POLQ: variants seen among roughly 807,000 people sequenced by gnomAD.
POLQ encodes the protein DNA polymerase theta.
A neutral mutation model predicts 259.2 loss-of-function variants in POLQ; 233 were observed. The observed-to-expected ratio is 0.90, with a 90% CI of 0.81 to 1.00. The LOEUF (loss-of-function observed/expected upper bound fraction) is 1.00. POLQ is among the 50% of genes least tolerant of loss of function. POLQ has a pLI of 0.00. For missense variants in POLQ, 2,871 were observed against 3,051.6 expected (o/e 0.94, Z 1.39); for synonymous variants, 1,025 against 1,048.8 (o/e 0.98, Z 0.44).
At chr3:121,522,256 G>T in intron 7 of POLQ, 107 bp from the exon 8 acceptor site, 1 of 394,878 alleles carries the variant, frequency 2.5e-6, no homozygotes, top group Non-Finnish European at 4.6e-6. Flanking sequence ...TTCTGAAACT[G>T]CTGCATACTA....
intron 25 of POLQ, among the ~76,000 whole-genome samples, chr3:121,456,153 G>A (rs183279595): frequency 1.3e-5 from 2 of 152,310 alleles, no homozygotes; most frequent in Admixed American, 1.3e-4. Context: ...CTCAATAGAT[G>A]CAGTAAAGGC....
chr3:121,434,153 G>A (rs955633977), intron 28 of POLQ, among the ~76,000 whole-genome samples: 23 of 152,138 alleles, frequency 1.5e-4, no homozygotes, highest in African/African-American at 5.1e-4. Flanking sequence ...ATTTCCCTTG[G>A]CTACCTGGCT....
intron 9 of POLQ, among the ~76,000 whole-genome samples, chr3:121,519,443 A>G (rs2048322450): frequency 6.7e-6 from 1 of 148,584 alleles, no homozygotes; most frequent in African/African-American, 2.4e-5. Flanking sequence ...TGGGAGGCCG[A>G]GGCAGGCGGA....
intron 9 of POLQ, among the ~76,000 whole-genome samples, chr3:121,516,129 T>C (rs959730652): frequency 6.6e-6 from 1 of 151,972 alleles, no homozygotes; most frequent in Non-Finnish European, 1.5e-5. Context: ...AAGAGTACAA[T>C]GTTTCAGTTA....
intron 15 of POLQ, among the ~76,000 whole-genome samples, chr3:121,493,164 T>A (rs2048083738): frequency 1.3e-5 from 2 of 151,928 alleles, no homozygotes; most frequent in Non-Finnish European, 2.9e-5. Flanking sequence ...TAGCTGGGCC[T>A]GGTGGTGGGT....
intron 27 of POLQ, among the ~76,000 whole-genome samples, chr3:121,436,703 C>A (rs2047546972): frequency 6.6e-6 from 1 of 151,912 alleles, no homozygotes; most frequent in South Asian, 2.1e-4. Flanking sequence ...ACCCTCTATA[C>A]CAATGGCCTC....
In POLQ at chr3:121,530,752, T is replaced by C. The variant is rs536038124; in HGVS notation, c.961-960A>G. On this transcript the variant is annotated intron_variant, in intron 6 of 29. Coordinates refer to ENST00000264233, the MANE Select transcript of POLQ (RefSeq NM_199420.4). ...ATTAAAAACTGGATTAATGCATCCA[T>C]CTATTCACTCATTAAACAAATATTT... Among the ~76,000 whole-genome samples the C allele has an allele frequency of 8.5e-5, 13 of 152,348 alleles. No homozygotes were observed. The South Asian group carries it at 2.7e-3, about 32-fold the overall frequency.
intron 26 of POLQ, among the ~76,000 whole-genome samples, chr3:121,446,019 A>G (rs2108776464): frequency 6.6e-6 from 1 of 151,304 alleles, no homozygotes; most frequent in Middle Eastern, 3.4e-3. Flanking sequence ...GTTTTTTAAG[A>G]TGGATTGCAG....
At chr3:121,523,404 A>G (rs1465804513) in intron 7 of POLQ, among the ~76,000 whole-genome samples, 1 of 152,176 alleles carries the variant, frequency 6.6e-6, no homozygotes, top group Non-Finnish European at 1.5e-5. Context: ...TGAACTTGTA[A>G]AACTTTTCAT....
intron 28 of POLQ, among the ~76,000 whole-genome samples, chr3:121,434,296 CCATATCG>C (rs1291492740): frequency 6.6e-6 from 1 of 152,172 alleles, no homozygotes; most frequent in Non-Finnish European, 1.5e-5. Context: ...AGCGACAGAG[CCATATCG>C]CCTTCCACTG....
At chr3:121,480,298 G>T (rs1418299034) in intron 19 of POLQ, among the ~76,000 whole-genome samples, 2 of 151,926 alleles carry the variant, frequency 1.3e-5, no homozygotes, top group Admixed American at 6.6e-5. Context: ...ATACCTCCTG[G>T]CTAACAGAAA....
At chr3:121,506,377 A>G (rs2048209289) in intron 12 of POLQ, among the ~76,000 whole-genome samples, 1 of 152,028 alleles carries the variant, frequency 6.6e-6, no homozygotes, top group Non-Finnish European at 1.5e-5. Flanking sequence ...CCCTGTACCC[A>G]TTAGCAATCA....
At chr3:121,490,931 T>C (rs2048063557) in intron 15 of POLQ, among the ~76,000 whole-genome samples, 1 of 151,972 alleles carries the variant, frequency 6.6e-6, no homozygotes, top group African/African-American at 2.4e-5. Flanking sequence ...AGCGGGTACC[T>C]GTAATTACAG....
chr3:121,474,851 T>C (rs905551743), intron 20 of POLQ, among the ~76,000 whole-genome samples: 2 of 152,242 alleles, frequency 1.3e-5, no homozygotes, highest in African/African-American at 4.8e-5. Flanking sequence ...GGCATACTTA[T>C]ACTAAATTGT....
chr3:121,431,984 A>T lies in POLQ; in HGVS notation c.*320T>A. On this transcript the variant is annotated 3_prime_UTR_variant, in exon 30 of 30. Coordinates refer to ENST00000264233, the MANE Select transcript of POLQ (RefSeq NM_199420.4). ...GGTTTACCCAGACAGATGTGGAACC[A>T]AAGTGCTAAGTGCATATTTCAAGCA... The T allele has an allele frequency of 4.7e-6, 1 of 213,460 alleles. No homozygotes were observed. The highest frequency in any genetic ancestry group is 9.2e-6 in the Non-Finnish European group (1 of 108,888). The allele number at this position is 213,460 out of a possible 1,614,324, so 13.2% of individuals were successfully genotyped here. A position where few individuals can be genotyped will look rare whatever the true frequency, so the allele number is the denominator to read the frequency against.
chr3:121,485,621 T>C (rs2048005025), intron 16 of POLQ, among the ~76,000 whole-genome samples: 1 of 152,208 alleles, frequency 6.6e-6, no homozygotes, highest in Non-Finnish European at 1.5e-5. Flanking sequence ...ATAATGTATC[T>C]CCAATTTTAT....
intron 13 of POLQ, among the ~76,000 whole-genome samples, chr3:121,497,773 C>T (rs2048136223): frequency 1.3e-5 from 2 of 152,222 alleles, no homozygotes; most frequent in South Asian, 2.1e-4. Flanking sequence ...ACAGCCTGTA[C>T]CAATTTTTCC....
chr3:121,501,806 C>A (rs975925955), intron 12 of POLQ, among the ~76,000 whole-genome samples: 1 of 150,504 alleles, frequency 6.6e-6, no homozygotes, highest in South Asian at 2.1e-4. Flanking sequence ...GTCAACATGG[C>A]GAAACCCTGT....
intron 24 of POLQ, among the ~76,000 whole-genome samples, chr3:121,466,567 G>T (rs2047838558): frequency 6.6e-6 from 1 of 151,710 alleles, no homozygotes; most frequent in African/African-American, 2.4e-5. Context: ...GCCCATGCTT[G>T]TAATCCCAGC....
Sources: gnomAD v4.1 joint callset for allele counts (sites outside exome capture counted in the v4.1 genomes callset) on GRCh38, gnomAD v4.1.1 for gene constraint, MANE v1.5 for transcripts, NCBI Gene and HGNC (gene_info 2026-07-23, HGNC 2026-07-21) for gene names.